The following PLPP2 variants were observed in gnomAD, a reference collection of about 807,000 sequenced individuals.
The protein encoded by PLPP2 is phospholipid phosphatase 2.
In PLPP2, 29 loss-of-function variants were observed where a neutral mutation model predicts 35.2. That is an observed-to-expected ratio of 0.82 (90% CI 0.61 to 1.12). The LOEUF (loss-of-function observed/expected upper bound fraction) is 1.12. PLPP2 is among the 50% of genes most tolerant of loss of function. The probability of loss-of-function intolerance (pLI) is 0.00; values close to 1 mark genes in which losing one functional copy is unlikely to be tolerated. For missense variants in PLPP2, 353 were observed against 375.2 expected (o/e 0.94, Z 0.49); for synonymous variants, 162 against 167.0 (o/e 0.97, Z 0.23).
intron 1 of PLPP2, among the ~76,000 whole-genome samples, chr19:290,670 C>T (rs1321601644): frequency 6.6e-6 from 1 of 152,238 alleles, no homozygotes; most frequent in Non-Finnish European, 1.5e-5. Flanking sequence ...GCAAACCCGC[C>T]GGACAGGTTT....
chr19:287,834 G>A lies in PLPP2; in HGVS notation c.205-83C>T. Reference sequence around the variant, plus strand: ...CCTCCGCACGGGCCTCCCCAAGGCTGCTGGAGAGCTGGGGACTCTGAAGGG... The same window carrying A: ...CCTCCGCACGGGCCTCCCCAAGGCTACTGGAGAGCTGGGGACTCTGAAGGG... On this transcript the variant is annotated intron_variant, in intron 2 of 5. Transcript: ENST00000434325. The surrounding 1 kb of genome is among the most constrained non-coding windows in gnomAD (Gnocchi z 4.3). 1 of 1,551,786 alleles carries A rather than the reference G, an allele frequency of 6.4e-7. No homozygotes were observed. The highest frequency in any genetic ancestry group is 8.7e-7 in the Non-Finnish European group (1 of 1,146,324).
intron 1 of PLPP2, chr19:290,866 G>A: frequency 9.4e-7 from 1 of 1,067,128 alleles, no homozygotes; most frequent in Non-Finnish European, 1.2e-6. Flanking sequence ...GCGCGCAGCG[G>A]GAGCGCCCAC....
Position 282,290 on chromosome 19 carries a change from G to A in PLPP2, c.561C>T (p.Leu187=), listed in dbSNP as rs756359496. The change falls in exon 5 of 6, where the codon CTC becomes CTT. Residue 187 remains leucine (L), a synonymous_variant. Coordinates refer to ENST00000434325, the MANE Select transcript of PLPP2 (RefSeq NM_003712.4). ...VFLALYVQAR[L]CWKWARLLRP... ...GCAGCAGCCGTGCCCACTTCCAACA[G>A]AGTCGTGCCTGCACATACAGCTGGA... The A allele has an allele frequency of 1.2e-5, 20 of 1,613,586 alleles. No homozygotes were observed. Among genetic ancestry groups the A allele is most frequent in the Non-Finnish European group, 1.6e-5 (19 of 1,179,838 alleles).
intron 1 of PLPP2, 99 bp downstream of exon 1, chr19:291,186 G>A (rs1432497060): frequency 1.3e-6 from 2 of 1,572,422 alleles, no homozygotes; most frequent in Admixed American, 3.6e-5. Flanking sequence ...GAGGGACGAG[G>A]GCGCGCAGCC....
intron 3 of PLPP2, chr19:283,624 C>G (rs965330335): frequency 6.6e-6 from 1 of 152,236 alleles, no homozygotes; most frequent in Non-Finnish European, 1.5e-5. Context: ...ATGCTCTGGG[C>G]GATGGGGGCC....
rs370643798 is a variant in PLPP2, at chr19:287,817, C to G, written c.205-66G>C. The G allele has an allele frequency of 1.9e-6, 3 of 1,582,166 alleles. No individual in the cohort carries two copies. The highest frequency in any genetic ancestry group is 2.6e-6 in the Non-Finnish European group (3 of 1,162,502). On this transcript the variant is annotated intron_variant, in intron 2 of 5. Transcript: ENST00000434325. The surrounding 1 kb of genome is among the most constrained non-coding windows in gnomAD (Gnocchi z 4.3). ...GCCCAGGGGCCCTCACTCCTCCGCA[C>G]GGGCCTCCCCAAGGCTGCTGGAGAG...
At chr19:289,255 G>A (rs965083898) in intron 1 of PLPP2, among the ~76,000 whole-genome samples, 74 of 152,340 alleles carry the variant, frequency 4.9e-4, no homozygotes, top group African/African-American at 1.7e-3. Flanking sequence ...ACAAAAGGGT[G>A]TGGCTTTTCT....
At chr19:281,671 C>T (rs1970176342) in intron 5 of PLPP2, 134 bp from the exon 6 acceptor site, 3 of 831,550 alleles carry the variant, frequency 3.6e-6, no homozygotes, top group Non-Finnish European at 1.7e-6. Context: ...AGGAGTAGTG[C>T]CTGGGGTGGG....
intron 1 of PLPP2, among the ~76,000 whole-genome samples, chr19:289,462 G>T (rs953932767): frequency 5.2e-5 from 3 of 57,932 alleles, no homozygotes; most frequent in Non-Finnish European, 3.8e-5. Context: ...CGGCGTGGTG[G>T]CTCAGCACTT....
intron 1 of PLPP2, among the ~76,000 whole-genome samples, chr19:289,932 C>T (rs1970351172): frequency 6.6e-6 from 1 of 152,080 alleles, no homozygotes; most frequent in African/African-American, 2.4e-5. Flanking sequence ...CGGAGGCTCA[C>T]ACAGGTTAGC....
rs144730873 is a variant in PLPP2 at position 287,698 on chromosome 19, C to G, written c.258G>C (p.Ser86=). ...CAGCAGCCACGTAGTTGTTGAAGTCCGAGCGAGAATAGAGCCGGTCTGTGT... is the reference window on the plus strand; with the variant it reads ...CAGCAGCCACGTAGTTGTTGAAGTCGGAGCGAGAATAGAGCCGGTCTGTGT... ...LVYTDRLYSR[S]DFNNYVAAVY... Residue 86 remains serine, a synonymous_variant, in exon 3 of 6, where the codon TCG becomes TCC. Transcript: ENST00000434325. The surrounding 1 kb of genome is among the most constrained non-coding windows in gnomAD (Gnocchi z 4.3). The G allele has an allele frequency of 2.1e-4, 339 of 1,613,912 alleles. 1 individual carries two copies. Among genetic ancestry groups the G allele is most frequent in the Admixed American group, 1.3e-3 (77 of 60,028 alleles).
rs549873782 is a variant in PLPP2 at position 288,329 on chromosome 19, T to A, written c.53-158A>T. On this transcript the variant is annotated intron_variant, in intron 1 of 5. Transcript: ENST00000434325. ...AGCCCAAATAACACTCCCTTTCGCATCCCCTCAGACAAACACAAACTCCTC... is the reference window on the plus strand; with the variant it reads ...AGCCCAAATAACACTCCCTTTCGCAACCCCTCAGACAAACACAAACTCCTC... 31 of 619,462 alleles carry A rather than the reference T, an allele frequency of 5.0e-5. No individual in the cohort carries two copies. In the South Asian group the frequency reaches 7.7e-4, roughly 15 times the overall value. 38.4% of individuals were successfully genotyped at this position (619,462 alleles called of 1,614,324 possible).
intron 3 of PLPP2, chr19:284,883 G>A (rs1376248108): frequency 6.6e-6 from 1 of 152,222 alleles, no homozygotes; most frequent in African/African-American, 2.4e-5. Flanking sequence ...TTGGGAGGCA[G>A]AGACGGGCAG....
At chr19:291,261 C>A (rs750065127) in intron 1 of PLPP2, 24 bp downstream of exon 1, 3 of 1,599,898 alleles carry the variant, frequency 1.9e-6, no homozygotes, top group South Asian at 1.1e-5. Context: ...GTCCCCCCAA[C>A]ACCCGGGTCC....
chr19:288,367 C>A, intron 1 of PLPP2, 196 bp from the exon 2 acceptor site: 1 of 462,400 alleles, frequency 2.2e-6, no homozygotes, highest in Non-Finnish European at 3.7e-6. Context: ...GCGCTCTGCC[C>A]CTCACATCCT....
intron 5 of PLPP2, 111 bp from the exon 6 acceptor site, chr19:281,648 G>T: frequency 9.5e-7 from 1 of 1,057,974 alleles, no homozygotes; most frequent in Non-Finnish European, 1.3e-6. Context: ...GAGGGGCCTA[G>T]GTGGGAAATG....
intron 1 of PLPP2, among the ~76,000 whole-genome samples, chr19:288,796 C>T (rs1444062334): frequency 1.3e-5 from 2 of 152,192 alleles, no homozygotes; most frequent in Non-Finnish European, 1.5e-5. Flanking sequence ...CCCATCCACC[C>T]ACCGGCACCA....
intron 1 of PLPP2, among the ~76,000 whole-genome samples, chr19:290,305 A>T (rs73916867): frequency 0.011 from 1,679 of 152,298 alleles, 34 homozygotes; most frequent in African/African-American, 0.039. Context: ...TGTAAGGGAA[A>T]TGTTTGTTAT....
rs1023243822 is a variant in PLPP2 at position 282,821 on chromosome 19, G to A, written c.483-12C>T. 1.2e-6 allele frequency: 2 copies of A among 1,613,272 alleles called. No individual in the cohort carries two copies. Among genetic ancestry groups the A allele is most frequent in the African/African-American group, 2.7e-5 (2 of 74,976 alleles). On this transcript the variant is annotated splice_polypyrimidine_tract_variant and intron_variant, in intron 3 of 5. Transcript: ENST00000434325. ...AGTAGAAAGACAACCTGAGGAAGGA[G>A]AAGGGGCAGGTGGCTCACTCAGCGC...
Sources: allele counts gnomAD v4.1 joint callset (sites outside exome capture counted in the v4.1 genomes callset), GRCh38; gene constraint gnomAD v4.1.1; non-coding constraint Gnocchi (gnomAD v3.1); transcripts MANE v1.5; gene names NCBI Gene and HGNC (gene_info 2026-07-23, HGNC 2026-07-21).